The following MTERF4 variants were observed in gnomAD, a reference collection of about 807,000 sequenced individuals.
MTERF4 encodes mitochondrial transcription termination factor 4.
In MTERF4, 17 loss-of-function variants were observed where a neutral mutation model predicts 22.5. That is an observed-to-expected ratio of 0.75 (90% CI 0.52 to 1.13). The LOEUF is 1.13. Ranked by LOEUF, MTERF4 falls within the 50% of genes most tolerant of loss-of-function variation. The pLI is 0.00. For synonymous variants in MTERF4, 165 were observed against 175.3 expected, an observed-to-expected ratio of 0.94 and a Z score of 0.47; for missense variants, 420 against 466.8, an observed-to-expected ratio of 0.90 and a Z score of 0.92.
At chr2:241,065,477 G>A in the MTERF4 span, 20 of 1,612,816 alleles carry the variant, frequency 1.2e-5, no homozygotes, top group African/African-American at 2.7e-5. Flanking sequence ...CCCGCTCCTC[G>A]CACCAGCTCC....
chr2:241,053,403 G>A, the MTERF4 span: 1 of 1,434,110 alleles, frequency 7.0e-7, no homozygotes, highest in Non-Finnish European at 9.3e-7. Context: ...GGAGCACAGG[G>A]GCTGCAGGCC....
At chr2:241,053,076 G>A in the MTERF4 span, 5 of 1,414,996 alleles carry the variant, frequency 3.5e-6, no homozygotes, top group East Asian at 1.2e-4. Flanking sequence ...CCTGCAGTCG[G>A]GTCGGGCAGA....
the MTERF4 span, among the ~76,000 whole-genome samples, chr2:241,048,082 C>T: frequency 2.6e-5 from 4 of 152,126 alleles, no homozygotes; most frequent in Non-Finnish European, 4.4e-5. Flanking sequence ...CTGTCCAATC[C>T]TGGGTGGTTT....
rs544384010 is a variant in MTERF4 at position 241,096,327 on chromosome 2, G to C, written c.817C>G (p.Arg273Gly). 1.2e-6 allele frequency: 2 copies of C among 1,614,032 alleles called. No individual in the cohort carries two copies. The highest frequency in any genetic ancestry group is 1.1e-5 in the South Asian group (1 of 91,078). Residue 273 changes from arginine (R) to glycine (G), a missense_variant, in exon 4 of 4, where the codon CGG becomes GGG. Physicochemically the swap from Arg to Gly is moderately radical, Grantham distance 125. Transcript: ENST00000391980. The surrounding 1 kb of genome is among the most constrained non-coding windows in gnomAD (Gnocchi z 5.1). ...QRHIYLERLG[R>G]YQTPDKKGQT... ...CCCTTCTTATCAGGGGTTTGGTACC[G>C]TCCCAGGCGCTCCAGGTAAATGTGT...
chr2:241,050,010 T>C, the MTERF4 span: 2 of 1,051,658 alleles, frequency 1.9e-6, no homozygotes, highest in Non-Finnish European at 3.0e-6. Flanking sequence ...GCTTCTCTGC[T>C]GTCTCTCTCC....
the MTERF4 span, chr2:241,051,682 T>C: frequency 2.3e-6 from 3 of 1,288,270 alleles, no homozygotes; most frequent in East Asian, 2.6e-5. This position sits in a 1 kb window ranked among gnomAD's most constrained non-coding sequence, Gnocchi z 4.7. Context: ...CAGGAGGGTA[T>C]AGTGGCTCTG....
At chr2:241,070,836 A>G (rs1347786434), downstream of MTERF4, among the ~76,000 whole-genome samples, 4 of 152,218 alleles carry the variant, frequency 2.6e-5, no homozygotes, top group Admixed American at 2.6e-4. Flanking sequence ...AGAGACGGAG[A>G]CAAGCAGGGA....
chr2:241,068,008 A>G (rs2062534940), downstream of MTERF4: 2 of 1,463,354 alleles, frequency 1.4e-6, no homozygotes, highest in South Asian at 2.5e-5. This position sits in a 1 kb window ranked among gnomAD's most constrained non-coding sequence, Gnocchi z 5.3. Context: ...GCTCGGGGAC[A>G]CGGGGCCCAG....
At chr2:241,056,159 TTA>T in the MTERF4 span, among the ~76,000 whole-genome samples, 1 of 152,140 alleles carries the variant, frequency 6.6e-6, no homozygotes, top group South Asian at 2.1e-4. Flanking sequence ...AAAATTTTCT[TTA>T]TGTTAAAGAA....
chr2:241,071,777 C>G (rs759705602), downstream of MTERF4: 53 of 1,578,894 alleles, frequency 3.4e-5, no homozygotes, highest in Middle Eastern at 1.7e-4. Flanking sequence ...CTGTGGTGAC[C>G]CTCCCACCCT....
At chr2:241,044,326 A>C in the MTERF4 span, among the ~76,000 whole-genome samples, 1 of 152,346 alleles carries the variant, frequency 6.6e-6, no homozygotes, top group South Asian at 2.1e-4. Flanking sequence ...AAGTATAAAG[A>C]CACAGGTAAT....
In MTERF4 at chr2:241,097,255, T is replaced by C. The variant is rs2064485572; in HGVS notation, c.693A>G (p.Glu231=). Residue 231 remains glutamate (E), a synonymous_variant, in exon 3 of 4, where the codon GAA becomes GAG. Coordinates refer to ENST00000391980, the MANE Select transcript of MTERF4 (RefSeq NM_182501.4). ...SVLREDLGQL[E]YKFQYAYFRM... ...CAGTCATTCTCACCTGAAACTTGTA[T>C]TCCAGTTGACCCAGGTCCTCTCGAA... The C allele has an allele frequency of 6.2e-7, 1 of 1,613,914 alleles. No individual in the cohort carries two copies.
At chr2:241,085,165 G>A (rs114704230), downstream of MTERF4, among the ~76,000 whole-genome samples, 1,471 of 152,004 alleles carry the variant, frequency 9.7e-3, 20 homozygotes, top group African/African-American at 0.033. Context: ...GTCAAACTTC[G>A]TAAAATTTTT....
Position 241,095,860 on chromosome 2 carries a change from T to G in MTERF4, c.*138A>C, listed in dbSNP as rs180926341. ...ATCTGTCTGCCTCTCAGGTGACTTATAATTTTTTTCATCAAGAGACCAGTT... is the reference window on the plus strand; with the variant it reads ...ATCTGTCTGCCTCTCAGGTGACTTAGAATTTTTTTCATCAAGAGACCAGTT... On this transcript the variant is annotated 3_prime_UTR_variant, in exon 4 of 4. Transcript: ENST00000391980. 3 of 1,472,140 alleles carry G rather than the reference T, an allele frequency of 2.0e-6. No homozygotes were observed. The highest frequency in any genetic ancestry group is 2.7e-6 in the Non-Finnish European group (3 of 1,103,876). The allele number at this position is 1,472,140 out of a possible 1,614,324, so 91.2% of individuals were successfully genotyped here. A position where few individuals can be genotyped will look rare whatever the true frequency, so the allele number is the denominator to read the frequency against.
Position 241,073,525 on chromosome 2 carries a change from G to A in MTERF4, n.2637C>T, listed in dbSNP as rs190394963. On this transcript the variant is annotated non_coding_transcript_exon_variant, in exon 5 of 5. Transcript: ENST00000464344. This position sits in a 1 kb window ranked among gnomAD's most constrained non-coding sequence, Gnocchi z 6.6. ...AGGCACCCCGGTGTGGGAAGATGGG[G>A]TGAAGCTACACCACCCAAGCAGTGG... is the stretch of plus-strand genomic sequence containing the variant. 1 of 678,600 alleles carries A rather than the reference G, an allele frequency of 1.5e-6. No individual in the cohort carries two copies. The highest frequency in any genetic ancestry group is 2.7e-6 in the Non-Finnish European group (1 of 372,256). The allele number at this position is 678,600 out of a possible 1,614,324, so 42.0% of individuals were successfully genotyped here. A position where few individuals can be genotyped will look rare whatever the true frequency, so the allele number is the denominator to read the frequency against.
downstream of MTERF4, chr2:241,068,972 G>C: frequency 6.4e-7 from 1 of 1,557,244 alleles, no homozygotes; most frequent in South Asian, 1.2e-5. This position sits in a 1 kb window ranked among gnomAD's most constrained non-coding sequence, Gnocchi z 5.3. Flanking sequence ...GCTCAGGGGA[G>C]AGGAGCACCC....
At chr2:241,085,685 TACTG>T (rs2125323027), downstream of MTERF4, among the ~76,000 whole-genome samples, 1 of 151,678 alleles carries the variant, frequency 6.6e-6, no homozygotes, top group African/African-American at 2.4e-5. Context: ...AGTTTTATGT[TACTG>T]ACGCTGGATT....
downstream of MTERF4, among the ~76,000 whole-genome samples, chr2:241,084,127 G>A (rs1055151883): frequency 1.4e-4 from 20 of 140,672 alleles, no homozygotes; most frequent in African/African-American, 4.0e-4. Context: ...TGATGGCAGC[G>A]TCTAGGATTT....
the MTERF4 span, among the ~76,000 whole-genome samples, chr2:241,060,187 C>CTTTT: frequency 6.9e-6 from 1 of 144,754 alleles, no homozygotes; most frequent in Non-Finnish European, 1.5e-5. Flanking sequence ...AAACTATAAA[C>CTTTT]TTTTTTTTTT....
Sources: allele counts gnomAD v4.1 joint callset (sites outside exome capture counted in the v4.1 genomes callset), GRCh38; gene constraint gnomAD v4.1.1; non-coding constraint Gnocchi (gnomAD v3.1); transcripts MANE v1.5; gene names NCBI Gene and HGNC (gene_info 2026-07-23, HGNC 2026-07-21).